Variants in DAB1 observed in about 807,000 individuals in gnomAD.
The protein encoded by DAB1 is DAB adaptor protein 1.
In DAB1, 15 loss-of-function variants were observed where a neutral mutation model predicts 64.6. That is an observed-to-expected ratio of 0.23 (90% CI 0.16 to 0.36). DAB1 has a LOEUF of 0.36. Among genes scored for constraint, DAB1 ranks in the 10% least tolerant of loss-of-function variants. DAB1 has a pLI of 1.00. For synonymous variants in DAB1, 235 were observed against 251.9 expected (o/e 0.93, Z 0.64); for missense variants, 596 against 706.7 (o/e 0.84, Z 1.78).
At chr1:57,169,180 A>T (rs1661491113) in intron 2 of DAB1, among the ~76,000 whole-genome samples, 1 of 152,218 alleles carries the variant, frequency 6.6e-6, no homozygotes, top group Non-Finnish European at 1.5e-5. Flanking sequence ...TCTAAACACA[A>T]CTAAAATCTT....
intron 1 of DAB1, among the ~76,000 whole-genome samples, chr1:57,835,627 T>C (rs1652777436): frequency 6.6e-6 from 1 of 152,212 alleles, no homozygotes; most frequent in African/African-American, 2.4e-5. Flanking sequence ...CCATCATTAC[T>C]GTCTCGTCAG....
rs567762811 is a variant in DAB1, at chr1:57,920,768, G to A, written n.388-36606C>T. ...TTGGTATTTATAAAGTACTGCATAT[G>A]TATAAGGCATCATTAGTATCACTGT... On this transcript the variant is annotated intron_variant and non_coding_transcript_variant, in intron 5 of 20. Coordinates refer to the DAB1 transcript ENST00000485760. 7.2e-4 allele frequency among the ~76,000 whole-genome samples: 109 copies of A among 152,324 alleles called. 1 individual carries two copies. Among genetic ancestry groups the A allele is most frequent in the Non-Finnish European group, 1.3e-3 (88 of 68,024 alleles).
At chr1:57,062,495 A>T (rs1370347518) in intron 9 of DAB1, among the ~76,000 whole-genome samples, 1 of 152,140 alleles carries the variant, frequency 6.6e-6, no homozygotes, top group Non-Finnish European at 1.5e-5. Context: ...GGAGTGAGAA[A>T]ATGGATATTG....
chr1:57,687,957 A>G (rs907276579), intron 6 of DAB1, among the ~76,000 whole-genome samples: 27 of 152,166 alleles, frequency 1.8e-4, no homozygotes, highest in Non-Finnish European at 5.9e-5. Flanking sequence ...AATTATAAAA[A>G]TCCTAGAAGA....
chr1:57,469,117 G>T (rs1687054726), intron 7 of DAB1, among the ~76,000 whole-genome samples: 1 of 152,232 alleles, frequency 6.6e-6, no homozygotes, highest in East Asian at 1.9e-4. Context: ...GTGGTAAAAT[G>T]TGGTAAAATG....
intron 2 of DAB1, among the ~76,000 whole-genome samples, chr1:57,273,766 C>T (rs886399325): frequency 6.6e-6 from 1 of 151,930 alleles, no homozygotes; most frequent in African/African-American, 2.4e-5. Flanking sequence ...CCTGTCCTCA[C>T]CTCCTATGTT....
chr1:57,013,333 C>T lies in DAB1; in HGVS notation c.1444+1550G>A, dbSNP rs563791325. Among the ~76,000 whole-genome samples, 3 of 152,326 alleles carry T rather than the reference C, an allele frequency of 2.0e-5. No homozygotes were observed. In the South Asian group the frequency reaches 6.2e-4, roughly 32 times the overall value. ...TTCCTGCCCTCAAAGAACTTAAACTCTCCTCTTTCATTTGTAGCTGGCACA... is the reference window on the plus strand; with the variant it reads ...TTCCTGCCCTCAAAGAACTTAAACTTTCCTCTTTCATTTGTAGCTGGCACA... On this transcript the variant is annotated intron_variant, in intron 12 of 14. Coordinates refer to ENST00000371236, the MANE Select transcript of DAB1 (RefSeq NM_001365792.1).
intron 4 of DAB1, among the ~76,000 whole-genome samples, chr1:58,241,812 G>T (rs966872776): frequency 2.8e-4 from 42 of 152,158 alleles, no homozygotes; most frequent in African/African-American, 9.9e-4. Flanking sequence ...AAAAGAGAAT[G>T]ATAATACATG....
At chr1:57,200,639 C>T (rs1665014884) in intron 2 of DAB1, among the ~76,000 whole-genome samples, 4 of 151,998 alleles carry the variant, frequency 2.6e-5, no homozygotes. Flanking sequence ...TAGGATAGTG[C>T]CTGGAACTTA....
intron 7 of DAB1, among the ~76,000 whole-genome samples, chr1:57,595,426 T>G (rs910133953): frequency 1.3e-5 from 2 of 151,738 alleles, no homozygotes; most frequent in South Asian, 2.1e-4. Context: ...GAAAGGAAAG[T>G]GAGCACCTGC....
At chr1:58,540,085 A>G (rs574247597) in intron 1 of DAB1, among the ~76,000 whole-genome samples, 2 of 152,296 alleles carry the variant, frequency 1.3e-5, no homozygotes, top group South Asian at 4.1e-4. Context: ...CACACAGGGC[A>G]TGGTATACTG....
intron 5 of DAB1, among the ~76,000 whole-genome samples, chr1:58,013,892 TC>T (rs1646703544): frequency 1.0e-4 from 1 of 9,920 alleles, no homozygotes; most frequent in Admixed American, 2.0e-3. Context: ...TTTCTTTTTT[TC>T]TTTTTTTTTT....
intron 11 of DAB1, among the ~76,000 whole-genome samples, chr1:57,019,555 G>T (rs1646547049): frequency 6.6e-6 from 1 of 152,322 alleles, no homozygotes; most frequent in Middle Eastern, 3.4e-3. Context: ...GTTCCCTGCA[G>T]GCTGGCTCTC....
At position 57,612,463 on chromosome 1, in the gene DAB1, G is replaced by C. The variant is rs546090209; in HGVS notation, n.625+37129C>G. 2.6e-5 allele frequency among the ~76,000 whole-genome samples: 4 copies of C among 152,174 alleles called. No homozygotes were observed. In the East Asian group the frequency reaches 7.7e-4, roughly 29 times the overall value. On this transcript the variant is annotated intron_variant and non_coding_transcript_variant, in intron 7 of 20. Transcript: ENST00000485760. ...AGGGTTCTTATTAAAGGGAGATGCA[G>C]GATCAGAGTCAGAGAGAGAAGATGT...
intron 6 of DAB1, among the ~76,000 whole-genome samples, chr1:57,693,178 A>G (rs753077220): frequency 6.6e-6 from 1 of 152,096 alleles, no homozygotes; most frequent in Non-Finnish European, 1.5e-5. Context: ...TCCAGAGGAT[A>G]CTACAACTTC....
At chr1:57,987,892 A>G (rs1291660159) in intron 5 of DAB1, among the ~76,000 whole-genome samples, 1 of 152,008 alleles carries the variant, frequency 6.6e-6, no homozygotes, top group Non-Finnish European at 1.5e-5. Flanking sequence ...ATGGAGAAGA[A>G]GAAAAAGCAG....
intron 3 of DAB1, among the ~76,000 whole-genome samples, chr1:58,351,383 T>C (rs1644055668): frequency 6.6e-6 from 1 of 152,152 alleles, no homozygotes; most frequent in African/African-American, 2.4e-5. Context: ...AAATATCTCA[T>C]GTCCTTCTCA....
At chr1:58,200,835 T>G (rs1203658113) in intron 4 of DAB1, among the ~76,000 whole-genome samples, 1 of 152,204 alleles carries the variant, frequency 6.6e-6, no homozygotes, top group Admixed American at 6.5e-5. Context: ...AACCAAAACA[T>G]GAGTTGTTTA....
At chr1:57,908,407 G>A (rs1412271047) in intron 5 of DAB1, among the ~76,000 whole-genome samples, 4 of 152,100 alleles carry the variant, frequency 2.6e-5, no homozygotes, top group African/African-American at 9.7e-5. Context: ...TAGATTTATT[G>A]CTTAACGCTA....
Sources: gnomAD v4.1 joint callset for allele counts (sites outside exome capture counted in the v4.1 genomes callset) on GRCh38, gnomAD v4.1.1 for gene constraint, MANE v1.5 for transcripts, NCBI Gene and HGNC (gene_info 2026-07-23, HGNC 2026-07-21) for gene names.